The following DNASE1 variants were observed in gnomAD, a reference collection of about 807,000 sequenced individuals.
DNASE1 encodes deoxyribonuclease 1.
In DNASE1, 40 loss-of-function variants were observed where a neutral mutation model predicts 33.9. The ratio of observed to expected loss-of-function variants is 1.18; its 90% CI spans 0.92 to 1.54. DNASE1 has a LOEUF of 1.54. Among genes scored for constraint, DNASE1 ranks in the 40% most tolerant of loss-of-function variants. The pLI is 0.00. For synonymous variants in DNASE1, 216 were observed against 160.0 expected (o/e 1.35, Z -2.64); for missense variants, 518 against 372.6 (o/e 1.39, Z -3.21).
downstream of DNASE1, chr16:3,659,260 T>C (rs918464561): frequency 4.0e-5 from 7 of 174,148 alleles, no homozygotes; most frequent in Non-Finnish European, 7.3e-5. Flanking sequence ...GGCAAACAAC[T>C]CCATGTAACG....
At position 3,657,072 on chromosome 16, in the gene DNASE1, T is replaced by A. The variant is rs748663246; in HGVS notation, c.510T>A (p.Tyr170Ter). Residue 170 changes from tyrosine to a stop codon, truncating the protein, a stop_gained, in exon 6 of 9, where the codon TAT (tyrosine) becomes TAA (stop). Coordinates refer to ENST00000246949, the MANE Select transcript of DNASE1 (RefSeq NM_005223.4). LOFTEE classifies it high-confidence loss of function. ...CAGTAGCCGAGATCGACGCTCTCTA[T>A]GACGTCTACCTGGATGTCCAAGAGA... Reference protein sequence around the residue: ...GDAVAEIDALYDVYLDVQEKW... With the variant: ...GDAVAEIDAL The A allele has an allele frequency of 6.2e-7, 1 of 1,614,084 alleles. No homozygotes were observed.
chr16:3,664,411 C>T (rs758542169), exon 10 of DNASE1: 9 of 1,610,606 alleles, frequency 5.6e-6, no homozygotes, highest in East Asian at 2.2e-5. Context: ...GTTAGCTGCC[C>T]GGAGGGCAGC....
chr16:3,630,801 A>G (rs2041673204), intron 1 of DNASE1, among the ~76,000 whole-genome samples: 1 of 152,038 alleles, frequency 6.6e-6, no homozygotes, highest in Admixed American at 6.6e-5. Flanking sequence ...CAGGAGTTCA[A>G]ATCTAGCCTG....
At chr16:3,663,013 C>T, downstream of DNASE1, 2 of 1,496,034 alleles carry the variant, frequency 1.3e-6, no homozygotes. Flanking sequence ...CATCCCAACT[C>T]CCCGGCTTCC....
At chr16:3,664,278 GTGTC>G (rs2050771680) in exon 10 of DNASE1, 1 of 1,591,252 alleles carries the variant, frequency 6.3e-7, no homozygotes, top group Non-Finnish European at 8.5e-7. Flanking sequence ...ACCCACCTCT[GTGTC>G]TTTCTTCTTC....
chr16:3,642,363 G>T (rs913245487), upstream of DNASE1, among the ~76,000 whole-genome samples: 2 of 152,242 alleles, frequency 1.3e-5, no homozygotes, highest in African/African-American at 4.8e-5. Flanking sequence ...GCCATGGGAT[G>T]TGGAGGCTGA....
Position 3,657,707 on chromosome 16 carries a change from C to T in DNASE1, c.705-13C>T. On this transcript the variant is annotated splice_polypyrimidine_tract_variant and intron_variant, in intron 7 of 8. Transcript: ENST00000246949. ...GAAAGGGGAACCTACTTTCTCTTCCCAACACCCATCAGGATCGTGGTTGCA... is the reference window on the plus strand; with the variant it reads ...GAAAGGGGAACCTACTTTCTCTTCCTAACACCCATCAGGATCGTGGTTGCA... The T allele has an allele frequency of 1.2e-6, 2 of 1,613,800 alleles. No individual in the cohort carries two copies. Among genetic ancestry groups the T allele is most frequent in the Non-Finnish European group, 1.7e-6 (2 of 1,179,954 alleles).
downstream of DNASE1, chr16:3,659,777 ATAG>A (rs2042964665): frequency 6.7e-6 from 1 of 150,048 alleles, no homozygotes; most frequent in African/African-American, 2.4e-5. Context: ...AGATAGATAG[ATAG>A]ACTCTCACTC....
At chr16:3,623,816 T>C (rs2041409474) in intron 1 of DNASE1, among the ~76,000 whole-genome samples, 1 of 152,106 alleles carries the variant, frequency 6.6e-6, no homozygotes, top group African/African-American at 2.4e-5. Flanking sequence ...AGTGCTCACA[T>C]CAGTAATCAT....
upstream of DNASE1, chr16:3,641,174 C>T (rs1045309566): frequency 2.6e-6 from 1 of 385,798 alleles, no homozygotes; most frequent in Non-Finnish European, 4.6e-6. Flanking sequence ...GGGCGTGGCC[C>T]TGACCAGCAG....
chr16:3,628,861 GTT>G (rs72529015), intron 1 of DNASE1, among the ~76,000 whole-genome samples: 13 of 132,930 alleles, frequency 9.8e-5, no homozygotes, highest in East Asian at 2.4e-4. Flanking sequence ...GCCTGGCTCT[GTT>G]TTTTTTTTTT....
At chr16:3,631,667 C>G (rs1315736092) in intron 1 of DNASE1, among the ~76,000 whole-genome samples, 1 of 152,014 alleles carries the variant, frequency 6.6e-6, no homozygotes, top group African/African-American at 2.4e-5. Context: ...GGATTATAAG[C>G]ACGCACTACC....
chr16:3,640,484 C>G (rs1254381366), upstream of DNASE1, among the ~76,000 whole-genome samples: 1 of 152,240 alleles, frequency 6.6e-6, no homozygotes, highest in African/African-American at 2.4e-5. Flanking sequence ...GATGTGCTCT[C>G]TTGTCTCCCT....
chr16:3,658,972 CTG>C (rs140076768), downstream of DNASE1: 745 of 1,139,022 alleles, frequency 6.5e-4, 10 homozygotes, highest in African/African-American at 9.9e-3. Context: ...GTAAGACTGT[CTG>C]TAGTTTTTTA....
intron 1 of DNASE1, among the ~76,000 whole-genome samples, chr16:3,619,691 T>C (rs1239303542): frequency 6.6e-6 from 1 of 151,650 alleles, no homozygotes; most frequent in African/African-American, 2.4e-5. Flanking sequence ...AAAATTTTTT[T>C]TGTAGACACA....
chr16:3,635,263 G>A (rs1330933044), intron 1 of DNASE1, among the ~76,000 whole-genome samples: 1 of 151,922 alleles, frequency 6.6e-6, no homozygotes, highest in East Asian at 1.9e-4. Flanking sequence ...TTCAAGACCA[G>A]CCTGGCCAAC....
At chr16:3,664,034 G>A in exon 10 of DNASE1, 1 of 468,424 alleles carries the variant, frequency 2.1e-6, no homozygotes, top group South Asian at 3.0e-5. Context: ...CTGCACTCTA[G>A]CCTGGGCGAG....
chr16:3,661,992 G>T (rs944044419), downstream of DNASE1: 1 of 1,606,034 alleles, frequency 6.2e-7, no homozygotes, highest in Non-Finnish European at 8.5e-7. Context: ...CTCACCTGGG[G>T]TTGATCTCCA....
chr16:3,658,469 G>A (rs531391569), downstream of DNASE1: 3 of 582,202 alleles, frequency 5.2e-6, no homozygotes, highest in African/African-American at 1.9e-5. Flanking sequence ...GGCTCACGAG[G>A]TCAGGAGATT....
Sources: gnomAD v4.1 joint callset for allele counts (sites outside exome capture counted in the v4.1 genomes callset) on GRCh38, gnomAD v4.1.1 for gene constraint, MANE v1.5 for transcripts, NCBI Gene and HGNC (gene_info 2026-07-23, HGNC 2026-07-21) for gene names.